Variants in PLXNA4 observed in about 807,000 individuals in gnomAD.
PLXNA4 encodes plexin A4, also known as plexin-A4.
PLXNA4 carries 44 observed loss-of-function variants against 191.8 expected under a neutral mutation model. That is an observed-to-expected ratio of 0.23 (90% CI 0.18 to 0.29). The LOEUF is 0.29. PLXNA4 is among the 10% of genes least tolerant of loss of function. The probability of loss-of-function intolerance (pLI) is 1.00; values close to 1 mark genes in which losing one functional copy is unlikely to be tolerated. For missense variants in PLXNA4, 1,800 were observed against 2,488.8 expected (o/e 0.72, Z 5.89); for synonymous variants, 1,082 against 1,009.5 (o/e 1.07, Z -1.36).
intron 4 of PLXNA4, among the ~76,000 whole-genome samples, chr7:132,288,062 A>T (rs888415777): frequency 6.6e-5 from 10 of 152,092 alleles, no homozygotes; most frequent in Non-Finnish European, 1.0e-4. Flanking sequence ...AGGGCTCCCC[A>T]TTCCTCGTTG....
At chr7:132,153,715 C>G (rs1795710764) in intron 25 of PLXNA4, among the ~76,000 whole-genome samples, 1 of 152,174 alleles carries the variant, frequency 6.6e-6, no homozygotes, top group African/African-American at 2.4e-5. Flanking sequence ...TGAAGAGTCC[C>G]CTACCTACCA....
chr7:132,204,982 G>A (rs998837734), intron 10 of PLXNA4, among the ~76,000 whole-genome samples: 4 of 152,188 alleles, frequency 2.6e-5, no homozygotes, highest in Admixed American at 6.5e-5. Context: ...CAGAGAGCTA[G>A]GTTCGGTGTT....
At chr7:132,384,789 CACT>C (rs1805051251) in intron 3 of PLXNA4, 1 of 1,108,096 alleles carries the variant, frequency 9.0e-7, no homozygotes, top group Non-Finnish European at 1.1e-6. Flanking sequence ...CACACACACA[CACT>C]GGCCAGGCGA....
intron 3 of PLXNA4, among the ~76,000 whole-genome samples, chr7:132,372,490 T>A (rs1804486987): frequency 6.6e-6 from 1 of 152,196 alleles, no homozygotes; most frequent in South Asian, 2.1e-4. Context: ...TCTATGCAGA[T>A]CCTTCCTCCC....
chr7:132,441,402 C>T (rs1795694110), intron 3 of PLXNA4, among the ~76,000 whole-genome samples: 1 of 152,202 alleles, frequency 6.6e-6, no homozygotes, highest in Non-Finnish European at 1.5e-5. Context: ...TTCTGGGTGG[C>T]AGTGTCCAGC....
chr7:132,421,042 A>T (rs1342957257), intron 3 of PLXNA4, among the ~76,000 whole-genome samples: 1 of 152,194 alleles, frequency 6.6e-6, no homozygotes, highest in Non-Finnish European at 1.5e-5. Context: ...CATCTTCAGA[A>T]CTTTTTCATC....
intron 2 of PLXNA4, among the ~76,000 whole-genome samples, chr7:132,595,030 C>T (rs904843067): frequency 5.9e-4 from 86 of 144,664 alleles, no homozygotes; most frequent in African/African-American, 2.0e-3. Context: ...GACAGACAGA[C>T]AGACAGACAG....
At chr7:132,568,386 G>A (rs12536898) in intron 1 of PLXNA4, among the ~76,000 whole-genome samples, 5,811 of 152,206 alleles carry the variant, frequency 0.038, 260 homozygotes, top group African/African-American at 0.1. Flanking sequence ...GGTTTAAATG[G>A]GATAATAGTG....
chr7:132,275,358 A>T lies in PLXNA4; in HGVS notation c.1503+22733T>A, dbSNP rs912722396. 2.0e-5 allele frequency among the ~76,000 whole-genome samples: 3 copies of T among 152,184 alleles called. No homozygotes were observed. In the East Asian group the frequency reaches 5.8e-4, roughly 29 times the overall value. On this transcript the variant is annotated intron_variant, in intron 4 of 31. Coordinates refer to ENST00000321063, the MANE Select transcript of PLXNA4 (RefSeq NM_020911.2). ...AGTGTACTATCAAATCAAGAAATTG[A>T]CATTTCTTTAAAATGCGGGTATAGT...
intron 3 of PLXNA4, among the ~76,000 whole-genome samples, chr7:132,479,863 G>A (rs968221326): frequency 6.6e-6 from 1 of 152,008 alleles, no homozygotes; most frequent in African/African-American, 2.4e-5. Context: ...TTGCCATGTT[G>A]CCCAGGCTGG....
At position 132,228,374 on chromosome 7, in the gene PLXNA4, T is replaced by C; in HGVS notation, c.1700A>G (p.Asn567Ser). The C allele has an allele frequency of 6.2e-7, 1 of 1,614,026 alleles. No homozygotes were observed. Among genetic ancestry groups the C allele is most frequent in the Non-Finnish European group, 8.5e-7 (1 of 1,180,000 alleles). Residue 567 changes from asparagine (N) to serine (S), a missense_variant, in exon 6 of 32, where the codon AAT becomes AGT. Physicochemically the swap from Asn to Ser is conservative, Grantham distance 46. This residue lies in a region of PLXNA4 where 1,397 missense variants were observed against 1,880.4 expected (regional missense o/e 0.74). Coordinates refer to ENST00000321063, the MANE Select transcript of PLXNA4 (RefSeq NM_020911.2). ...QCVRLTVHPN[N>S]ISVSQYNVLL... ...CACGTTGTACTGAGAGACGGAGATATTGTTGGGATGGACCGTCAGCCGGAC... is the reference window on the plus strand; with the variant it reads ...CACGTTGTACTGAGAGACGGAGATACTGTTGGGATGGACCGTCAGCCGGAC...
At chr7:132,625,340 C>T (rs1038842319) in intron 2 of PLXNA4, among the ~76,000 whole-genome samples, 3 of 152,166 alleles carry the variant, frequency 2.0e-5, no homozygotes, top group Admixed American at 1.3e-4. Flanking sequence ...GCTCTTCTGA[C>T]ATTTGTGTCC....
intron 3 of PLXNA4, among the ~76,000 whole-genome samples, chr7:132,479,652 T>C (rs956902999): frequency 6.6e-6 from 1 of 152,202 alleles, no homozygotes; most frequent in South Asian, 2.1e-4. Flanking sequence ...TGCATTCTTT[T>C]ATTAACCATT....
At chr7:132,537,916 A>C in intron 1 of PLXNA4, among the ~76,000 whole-genome samples, 1 of 152,364 alleles carries the variant, frequency 6.6e-6, no homozygotes, top group East Asian at 1.9e-4. Flanking sequence ...CTGGACACAC[A>C]GCCTGGGATC....
At chr7:132,271,621 A>C (rs1043520635) in intron 4 of PLXNA4, among the ~76,000 whole-genome samples, 16 of 152,096 alleles carry the variant, frequency 1.1e-4, no homozygotes, top group African/African-American at 3.9e-4. Context: ...AATTTCTGAT[A>C]ATCAGAGTTC....
At chr7:132,141,584 T>C (rs891801659) in intron 29 of PLXNA4, among the ~76,000 whole-genome samples, 1 of 152,070 alleles carries the variant, frequency 6.6e-6, no homozygotes, top group Non-Finnish European at 1.5e-5. Flanking sequence ...GGAGGACTGT[T>C]GGTGCTAGGA....
At chr7:132,478,656 C>A (rs779073550) in intron 3 of PLXNA4, among the ~76,000 whole-genome samples, 3 of 152,162 alleles carry the variant, frequency 2.0e-5, no homozygotes, top group Non-Finnish European at 4.4e-5. Flanking sequence ...TAGAATCCTG[C>A]CTAGAGGCCA....
chr7:132,603,635 A>G (rs940580327), intron 2 of PLXNA4, among the ~76,000 whole-genome samples: 1 of 152,154 alleles, frequency 6.6e-6, no homozygotes, highest in Admixed American at 6.5e-5. Context: ...AGATTCTGCT[A>G]TGGGAGGGGG....
At chr7:132,280,603 G>A (rs1800444433) in intron 4 of PLXNA4, among the ~76,000 whole-genome samples, 1 of 152,112 alleles carries the variant, frequency 6.6e-6, no homozygotes, top group African/African-American at 2.4e-5. Context: ...TCTTCCATCT[G>A]TTCTTCAGGA....
Sources: gnomAD v4.1 joint callset for allele counts (sites outside exome capture counted in the v4.1 genomes callset) on GRCh38, gnomAD v4.1.1 for gene constraint, gnomAD v4.1.1 regional missense constraint, MANE v1.5 for transcripts, NCBI Gene and HGNC (gene_info 2026-07-23, HGNC 2026-07-21) for gene names.